Variants in LRRK2 observed in about 807,000 individuals in gnomAD.
LRRK2 encodes leucine-rich repeat serine/threonine-protein kinase 2.
A neutral mutation model predicts 302.6 loss-of-function variants in LRRK2; 203 were observed. That is an observed-to-expected ratio of 0.67 (90% CI 0.60 to 0.75). LRRK2 has a LOEUF of 0.75. Ranked by LOEUF, LRRK2 falls within the 30% of genes least tolerant of loss-of-function variation. LRRK2 has a pLI of 0.00. For synonymous variants in LRRK2, 1,066 were observed against 1,031.9 expected (o/e 1.03, Z -0.63); for missense variants, 2,830 against 2,951.0 (o/e 0.96, Z 0.95).
chr12:40,323,345 G>T, intron 38 of LRRK2, 39 bp downstream of exon 38: 1 of 1,526,594 alleles, frequency 6.6e-7, no homozygotes, highest in Non-Finnish European at 9.0e-7. Flanking sequence ...AAATTAGGAT[G>T]TAATTTTCTC....
chr12:40,306,001 T>C (rs1944810296), intron 28 of LRRK2, 35 bp downstream of exon 28: 3 of 1,507,800 alleles, frequency 2.0e-6, no homozygotes, highest in African/African-American at 1.4e-5. Context: ...TTTTACTAAA[T>C]TTATTTCAGA....
chr12:40,241,464 T>A (rs749805754), intron 6 of LRRK2, among the ~76,000 whole-genome samples: 16 of 152,228 alleles, frequency 1.1e-4, no homozygotes, highest in Non-Finnish European at 2.9e-5. Context: ...TATTCTGTTT[T>A]GTTTTGTATT....
chr12:40,351,720 G>A lies in LRRK2; in HGVS notation c.6563G>A (p.Gly2188Glu). 2 of 1,614,026 alleles carry A rather than the reference G, an allele frequency of 1.2e-6. No homozygotes were observed. Among genetic ancestry groups the A allele is most frequent in the African/African-American group, 2.7e-5 (2 of 75,010 alleles). Reference protein sequence around the residue: ...QLSFLDLNTEGYTSEEVADSR... With the variant: ...QLSFLDLNTEEYTSEEVADSR... ...TCATTTCTTGACTTAAATACTGAAG[G>A]ATACACTTCTGAGGTAAATCCAAAT... The change falls in exon 44 of 51, where the codon GGA (glycine) becomes GAA (glutamate). Residue 2188 changes from glycine (G) to glutamate (E), a missense_variant. This residue lies in a region of LRRK2 where 456 missense variants were observed against 456.3 expected (regional missense o/e 1.00). Transcript: ENST00000298910.
chr12:40,282,782 A>G (rs1017924719), intron 18 of LRRK2, among the ~76,000 whole-genome samples: 1 of 152,154 alleles, frequency 6.6e-6, no homozygotes, highest in African/African-American at 2.4e-5. Context: ...TCCCTTGGAA[A>G]CACTTTAATT....
Position 40,295,453 on chromosome 12 carries a change from A to C in LRRK2, c.2905A>C (p.Arg969=), listed in dbSNP as rs1346425787. ...GTCATCAAAACTTCAATCCCATATG[A>C]GGCATTCAGACAGCATTTCTTCTCT... ...LRSSKLQSHM[R]HSDSISSLAS... is the part of the protein sequence containing the mutation. The change falls in exon 23 of 51, where the codon AGG becomes CGG. Residue 969 remains arginine, a synonymous_variant. Coordinates refer to ENST00000298910, the MANE Select transcript of LRRK2 (RefSeq NM_198578.4). 2 of 1,613,382 alleles carry C rather than the reference A, an allele frequency of 1.2e-6. No homozygotes were observed. The highest frequency in any genetic ancestry group is 3.3e-4 in the Middle Eastern group (2 of 6,042).
chr12:40,332,787 C>A (rs1051744444), intron 39 of LRRK2, among the ~76,000 whole-genome samples: 5 of 151,718 alleles, frequency 3.3e-5, no homozygotes, highest in Admixed American at 6.6e-5. Context: ...GATTTTTTGG[C>A]CTTGCTGTCA....
chr12:40,268,015 C>T (rs971256363), intron 14 of LRRK2, among the ~76,000 whole-genome samples: 3 of 152,102 alleles, frequency 2.0e-5, no homozygotes, highest in Non-Finnish European at 2.9e-5. Context: ...ATTTATAAAG[C>T]GAATCCATGT....
At position 40,294,866 on chromosome 12, in the gene LRRK2, G is replaced by T. The variant is rs17519916; in HGVS notation, c.2830G>T (p.Asp944Tyr). The change falls in exon 22 of 51, where the codon GAT becomes TAT. Residue 944 changes from aspartate to tyrosine, a missense_variant. By Grantham distance (160) the Asp-to-Tyr change is radical. Around this residue, in one of 3 missense-constraint regions of LRRK2, gnomAD observed 2,121 missense variants for 2,148.0 expected, o/e 0.99. Coordinates refer to ENST00000298910, the MANE Select transcript of LRRK2 (RefSeq NM_198578.4). ...NSLGPIFDHE[D>Y]LLKRKRKILS... is the part of the protein sequence containing the mutation. ...ATAGGGGCCCATTTTTGATCATGAA[G>T]ATTTACTGAAGCGAAAAAGAAAAAT... 16 of 1,548,266 alleles carry T rather than the reference G, an allele frequency of 1.0e-5. No individual in the cohort carries two copies. Among genetic ancestry groups the T allele is most frequent in the Non-Finnish European group, 1.3e-5 (15 of 1,125,030 alleles).
chr12:40,308,391 A>T lies in LRRK2; in HGVS notation c.3960-76A>T, dbSNP rs912757640. Reference sequence around the variant, plus strand: ...ATACTATATTTTAGAATAGTGTGACATGTAAAAGAACTCACCTAAATCTCA... The same window carrying T: ...ATACTATATTTTAGAATAGTGTGACTTGTAAAAGAACTCACCTAAATCTCA... On this transcript the variant is annotated intron_variant, in intron 28 of 50. Coordinates refer to ENST00000298910, the MANE Select transcript of LRRK2 (RefSeq NM_198578.4). 9 of 1,084,884 alleles carry T rather than the reference A, an allele frequency of 8.3e-6. No individual in the cohort carries two copies. In the East Asian group the frequency reaches 2.3e-4, roughly 28 times the overall value. 67.2% of individuals were successfully genotyped at this position (1,084,884 alleles called of 1,614,324 possible). A position where few individuals can be genotyped will look rare whatever the true frequency, so the allele number is the denominator to read the frequency against.
intron 7 of LRRK2, 126 bp from the exon 8 acceptor site, chr12:40,249,695 TTAAAG>T (rs1348035261): frequency 8.7e-6 from 9 of 1,029,854 alleles, no homozygotes; most frequent in Middle Eastern, 3.0e-4. Context: ...GCTATTTTAA[TTAAAG>T]TAAATGTTTT....
intron 44 of LRRK2, among the ~76,000 whole-genome samples, chr12:40,352,223 T>G (rs975879213): frequency 3.6e-5 from 5 of 139,496 alleles, no homozygotes; most frequent in Admixed American, 7.1e-5. Flanking sequence ...GCAAGCTGCC[T>G]CCTGTCATCT....
At position 40,263,852 on chromosome 12, in the gene LRRK2, A is replaced by C. The variant is rs1169078283; in HGVS notation, c.1607A>C (p.Gln536Pro). Residue 536 changes from glutamine (Q) to proline (P), a missense_variant, in exon 14 of 51, where the codon CAG becomes CCG. Around this residue, in one of 3 missense-constraint regions of LRRK2, gnomAD observed 2,121 missense variants for 2,148.0 expected, o/e 0.99. Transcript: ENST00000298910. ...CATAAGCTAAATATGGTTAAAAAACAGTGTTTCAAGAATGATATTCACAAA... is the reference window on the plus strand; with the variant it reads ...CATAAGCTAAATATGGTTAAAAAACCGTGTTTCAAGAATGATATTCACAAA... ...FHHKLNMVKK[Q>P]CFKNDIHKLV... The C allele has an allele frequency of 6.2e-7, 1 of 1,613,064 alleles. No homozygotes were observed. The highest frequency in any genetic ancestry group is 1.3e-5 in the African/African-American group (1 of 74,914).
At chr12:40,356,087 G>A (rs1341911450) in intron 45 of LRRK2, 28 bp from the exon 46 acceptor site, 1 of 1,543,154 alleles carries the variant, frequency 6.5e-7, no homozygotes, top group African/African-American at 1.4e-5. Context: ...TGTTCTTTTT[G>A]TAACAATTTC....
intron 27 of LRRK2, among the ~76,000 whole-genome samples, chr12:40,305,133 G>A (rs925726020): frequency 5.3e-5 from 8 of 151,980 alleles, no homozygotes; most frequent in Non-Finnish European, 1.2e-4. Context: ...TTGATAATTT[G>A]TTTGTCTCAG....
intron 32 of LRRK2, among the ~76,000 whole-genome samples, chr12:40,314,777 T>A (rs1945160333): frequency 6.6e-6 from 1 of 152,020 alleles, no homozygotes; most frequent in South Asian, 2.1e-4. Flanking sequence ...CTGCTTTTGA[T>A]CCCTAGATTC....
intron 41 of LRRK2, among the ~76,000 whole-genome samples, chr12:40,341,366 C>T (rs1377318456): frequency 1.3e-5 from 2 of 152,166 alleles, no homozygotes; most frequent in East Asian, 1.9e-4. Context: ...TCGTTTCCTG[C>T]GCACTCAACT....
At chr12:40,295,026 A>T (rs1944325854) in intron 22 of LRRK2, 112 bp downstream of exon 22, 1 of 689,448 alleles carries the variant, frequency 1.5e-6, no homozygotes, top group Non-Finnish European at 2.6e-6. Flanking sequence ...CATCTTACAT[A>T]ATCTTCATAT....
chr12:40,281,355 C>A (rs983645226), intron 18 of LRRK2, among the ~76,000 whole-genome samples: 6 of 152,178 alleles, frequency 3.9e-5, no homozygotes, highest in African/African-American at 1.4e-4. Flanking sequence ...GCTTTAATTT[C>A]TTGGCTACAC....
intron 7 of LRRK2, among the ~76,000 whole-genome samples, chr12:40,245,337 A>G (rs1288964644): frequency 6.6e-6 from 1 of 152,218 alleles, no homozygotes. Context: ...TGGTATATAA[A>G]TATGTAAACA....
Sources: gnomAD v4.1 joint callset for allele counts (sites outside exome capture counted in the v4.1 genomes callset) on GRCh38, gnomAD v4.1.1 for gene constraint, gnomAD v4.1.1 regional missense constraint, MANE v1.5 for transcripts, NCBI Gene and HGNC (gene_info 2026-07-23, HGNC 2026-07-21) for gene names.